NFILZ: variants seen among roughly 807,000 people sequenced by gnomAD.
NFILZ encodes the protein NFIL3 like basic leucine zipper.
chr19:8,660,485 C>T (rs546025814), intron 3 of NFILZ, among the ~76,000 whole-genome samples: 1 of 152,056 alleles, frequency 6.6e-6, no homozygotes, highest in African/African-American at 2.4e-5. Flanking sequence ...ATTTTCCTTG[C>T]TTTTCAAGGC....
chr19:8,645,300 A>ATTTTT (rs35280185), intron 3 of NFILZ, among the ~76,000 whole-genome samples: 3 of 118,082 alleles, frequency 2.5e-5, no homozygotes, highest in African/African-American at 9.3e-5. Flanking sequence ...CACCTGGGTG[A>ATTTTT]TTTTTTTTTT....
At chr19:8,651,635 G>A (rs1017776380) in intron 3 of NFILZ, among the ~76,000 whole-genome samples, 2 of 152,170 alleles carry the variant, frequency 1.3e-5, no homozygotes, top group South Asian at 2.1e-4. Flanking sequence ...GGACTCATGC[G>A]ATCCTCCTAC....
intron 3 of NFILZ, among the ~76,000 whole-genome samples, chr19:8,669,343 T>C (rs2043076761): frequency 6.6e-6 from 1 of 152,210 alleles, no homozygotes; most frequent in Non-Finnish European, 1.5e-5. Context: ...ATTTATTCCT[T>C]ATACAACCAA....
At chr19:8,647,320 C>A (rs1555747155) in intron 3 of NFILZ, among the ~76,000 whole-genome samples, 1 of 152,068 alleles carries the variant, frequency 6.6e-6, no homozygotes, top group African/African-American at 2.4e-5. Flanking sequence ...GCCTGTAATC[C>A]CAGCACTTTG....
At chr19:8,639,765 C>CGT (rs2042910932) in intron 3 of NFILZ, among the ~76,000 whole-genome samples, 2 of 151,998 alleles carry the variant, frequency 1.3e-5, no homozygotes, top group African/African-American at 4.8e-5. Context: ...CAGTGTCTGG[C>CGT]ATATACCACA....
intron 3 of NFILZ, among the ~76,000 whole-genome samples, chr19:8,657,054 G>C (rs1230848741): frequency 6.6e-6 from 1 of 152,034 alleles, no homozygotes; most frequent in Non-Finnish European, 1.5e-5. Flanking sequence ...CTCTGCTGTT[G>C]AAAGGAGTCT....
rs528825339 is a variant in NFILZ at position 8,677,780 on chromosome 19, T to C, written c.*145T>C. Among the ~76,000 whole-genome samples, 1 of 152,162 alleles carries C rather than the reference T, an allele frequency of 6.6e-6. No homozygotes were observed. Among genetic ancestry groups the C allele is most frequent in the East Asian group, 1.9e-4 (1 of 5,154 alleles). On this transcript the variant is annotated 3_prime_UTR_variant, in exon 6 of 6. Transcript: ENST00000691075. ...GGGTGCCCTGGCTTGGAAGGTCCAC[T>C]TCACAGCTTCCATACCAGACCTCCT...
chr19:8,676,735 CTT>C lies in NFILZ; in HGVS notation c.-15-14_-15-13del, dbSNP rs1555750744. 1.3e-5 allele frequency: 2 copies of C among 152,422 alleles called. No homozygotes were observed. Among genetic ancestry groups the C allele is most frequent in the African/African-American group, 2.4e-5 (1 of 41,456 alleles). 9.4% of individuals were successfully genotyped at this position (152,422 alleles called of 1,614,324 possible). On this transcript the variant is annotated splice_polypyrimidine_tract_variant and intron_variant, in intron 5 of 5. Transcript: ENST00000691075. Reference sequence around the variant, plus strand: ...ACCCTTTGCCATTACTCCAAGAACTCTTTCCTTTTTCCCAGGTTCTCCAAGCA... The same window carrying C: ...ACCCTTTGCCATTACTCCAAGAACTCTCCTTTTTCCCAGGTTCTCCAAGCA...
chr19:8,680,616 T>C lies in NFILZ; in HGVS notation c.*2981T>C, dbSNP rs2146180442. Among the ~76,000 whole-genome samples, 2 of 152,086 alleles carry C rather than the reference T, an allele frequency of 1.3e-5. No individual in the cohort carries two copies. Among genetic ancestry groups the C allele is most frequent in the South Asian group, 4.2e-4 (2 of 4,814 alleles). On this transcript the variant is annotated 3_prime_UTR_variant, in exon 6 of 6. Coordinates refer to ENST00000691075, the MANE Select transcript of NFILZ (RefSeq NM_001378600.1). ...GGTACTGATAACCCAGGGAAGGAGATAGATTAAAAAATAAGAAAAACATAT... is the reference window on the plus strand; with the variant it reads ...GGTACTGATAACCCAGGGAAGGAGACAGATTAAAAAATAAGAAAAACATAT...
intron 3 of NFILZ, among the ~76,000 whole-genome samples, chr19:8,659,049 C>T (rs182582784): frequency 2.4e-3 from 367 of 152,074 alleles, no homozygotes; most frequent in African/African-American, 8.5e-3. Context: ...ATTTCGAGAC[C>T]GGCCTGGCCA....
intron 3 of NFILZ, among the ~76,000 whole-genome samples, chr19:8,639,047 T>C (rs1468409471): frequency 6.6e-6 from 1 of 151,916 alleles, no homozygotes; most frequent in African/African-American, 2.4e-5. Flanking sequence ...TTTCACCACA[T>C]TGGCCAGGCT....
Position 8,635,838 on chromosome 19 carries a change from T to A in NFILZ, c.-164+92T>A, listed in dbSNP as rs547632699. 2.0e-5 allele frequency: 3 copies of A among 152,240 alleles called. No individual in the cohort carries two copies. In the South Asian group the frequency reaches 6.2e-4, roughly 32 times the overall value. 9.4% of individuals were successfully genotyped at this position (152,240 alleles called of 1,614,324 possible). A position where few individuals can be genotyped will look rare whatever the true frequency, so the allele number is the denominator to read the frequency against. ...CTCTTTCTCTCTTTATTTATTTGTT[T>A]ATTTATTTTTATTTATTAGACAGGG... On this transcript the variant is annotated intron_variant, in intron 3 of 5. Coordinates refer to ENST00000691075, the MANE Select transcript of NFILZ (RefSeq NM_001378600.1).
chr19:8,665,766 G>C (rs1019688168), intron 3 of NFILZ, among the ~76,000 whole-genome samples: 1 of 152,110 alleles, frequency 6.6e-6, no homozygotes, highest in African/African-American at 2.4e-5. Context: ...TGCCAATTTC[G>C]GCAGGAAAAA....
chr19:8,642,245 C>T (rs1555746730), intron 3 of NFILZ, among the ~76,000 whole-genome samples: 1 of 151,530 alleles, frequency 6.6e-6, no homozygotes, highest in East Asian at 1.9e-4. Context: ...AACCAAAGAA[C>T]TCCTGCCACC....
intron 1 of NFILZ, 136 bp downstream of exon 1, chr19:8,630,880 C>T (rs1362881856): frequency 1.3e-5 from 2 of 152,286 alleles, no homozygotes; most frequent in East Asian, 3.9e-4. Flanking sequence ...CAGCTTATTC[C>T]CCCTGCAGCT....
chr19:8,673,914 C>A (rs1568425436), intron 3 of NFILZ, among the ~76,000 whole-genome samples: 1 of 152,196 alleles, frequency 6.6e-6, no homozygotes, highest in Admixed American at 6.5e-5. Context: ...AATCTTGGCT[C>A]ACTGCAACCT....
At chr19:8,649,172 C>T (rs1555747484) in intron 3 of NFILZ, among the ~76,000 whole-genome samples, 2 of 151,704 alleles carry the variant, frequency 1.3e-5, no homozygotes, top group African/African-American at 4.8e-5. Context: ...TGCCACGTTG[C>T]CCAGGCTGGT....
intron 4 of NFILZ, among the ~76,000 whole-genome samples, chr19:8,675,444 TG>T (rs2043106361): frequency 1.3e-5 from 2 of 152,320 alleles, no homozygotes; most frequent in African/African-American, 4.8e-5. Flanking sequence ...TCTGGGACAC[TG>T]GGCATCTTTT....
Position 8,659,288 on chromosome 19 carries a change from T to C in NFILZ, c.-163-15263T>C, listed in dbSNP as rs940629295. Among the ~76,000 whole-genome samples, 10 of 151,824 alleles carry C rather than the reference T, an allele frequency of 6.6e-5. No individual in the cohort carries two copies. The East Asian group carries it at 1.9e-3, about 29-fold the overall frequency. Reference sequence around the variant, plus strand: ...TTTTTTAAAAAGAAAGAGACATTAATGAAATAATTACACAGATACCTGTAA... The same window carrying C: ...TTTTTTAAAAAGAAAGAGACATTAACGAAATAATTACACAGATACCTGTAA... On this transcript the variant is annotated intron_variant, in intron 3 of 5. Coordinates refer to ENST00000691075, the MANE Select transcript of NFILZ (RefSeq NM_001378600.1).
Sources: gnomAD v4.1 joint callset for allele counts (sites outside exome capture counted in the v4.1 genomes callset) on GRCh38, gnomAD v4.1.1 for gene constraint, MANE v1.5 for transcripts, NCBI Gene and HGNC (gene_info 2026-07-23, HGNC 2026-07-21) for gene names.